The following ROBO1 variants were observed in gnomAD, a reference collection of about 807,000 sequenced individuals.
ROBO1 encodes roundabout homolog 1.
In ROBO1, 149 loss-of-function variants were observed where a neutral mutation model predicts 195.9. The ratio of observed to expected loss-of-function variants is 0.76; its 90% confidence interval spans 0.67 to 0.87. The LOEUF (loss-of-function observed/expected upper bound fraction) is 0.87, where lower values mean the gene tolerates loss of function less well. Among genes scored for constraint, ROBO1 ranks in the 40% least tolerant of loss-of-function variants. The pLI, the probability that ROBO1 is intolerant of heterozygous loss-of-function variation, is 0.00. For synonymous variants in ROBO1, 816 were observed against 733.2 expected (o/e 1.11, Z -1.82); for missense variants, 1,933 against 2,068.3 (o/e 0.93, Z 1.27).
chr3:79,517,968 A>G (rs1482497212), intron 2 of ROBO1, among the ~76,000 whole-genome samples: 3 of 152,144 alleles, frequency 2.0e-5, no homozygotes, highest in Non-Finnish European at 4.4e-5. Context: ...CCAGGGTGTT[A>G]GGGTTTATTG....
rs144123295 is a variant in ROBO1, at chr3:79,376,388, T to A, written c.88+213436A>T. ...TAATTCCATAATTTAAATATATTCA[T>A]CTCTTCTGTGTTAGAATGAAAATAC... On this transcript the variant is annotated intron_variant, in intron 2 of 30. Transcript: ENST00000464233. 4.0e-3 allele frequency among the ~76,000 whole-genome samples: 606 copies of A among 152,288 alleles called. 2 individuals are homozygous for A. The highest frequency in any genetic ancestry group is 0.014 in the African/African-American group (576 of 41,546).
At chr3:79,388,453 G>T (rs1410541295) in intron 2 of ROBO1, among the ~76,000 whole-genome samples, 1 of 151,812 alleles carries the variant, frequency 6.6e-6, no homozygotes, top group Admixed American at 6.6e-5. Flanking sequence ...CAGTCTGTTG[G>T]AACATCTTCA....
intron 2 of ROBO1, among the ~76,000 whole-genome samples, chr3:79,388,780 C>T (rs976265445): frequency 3.3e-5 from 5 of 152,088 alleles, no homozygotes; most frequent in Non-Finnish European, 5.9e-5. Flanking sequence ...GATTCTTCTC[C>T]ATCTAGACTA....
chr3:78,657,127 A>AC lies in ROBO1; in HGVS notation c.2584dup (p.Val862GlyfsTer4). On this transcript the variant is annotated frameshift_variant, in exon 18 of 31. Transcript: ENST00000464233. LOFTEE classifies it high-confidence loss of function. ...CTGGATGAACTGAGGCTCACTCTTTACCCCAGACCCAGCCCCAGTGCTGGC... is the reference window on the plus strand; with the variant it reads ...CTGGATGAACTGAGGCTCACTCTTTACCCCCAGACCCAGCCCCAGTGCTGGC... 6.2e-7 allele frequency: 1 copy of AC among 1,610,958 alleles called. No homozygotes were observed. The highest frequency in any genetic ancestry group is 8.5e-7 in the Non-Finnish European group (1 of 1,178,632).
At chr3:79,282,353 T>C (rs2031579616) in intron 2 of ROBO1, among the ~76,000 whole-genome samples, 1 of 152,202 alleles carries the variant, frequency 6.6e-6, no homozygotes, top group Admixed American at 6.5e-5. Context: ...CTAACATTTT[T>C]TGAGCATCTA....
chr3:79,336,074 A>C (rs2034653441), intron 2 of ROBO1, among the ~76,000 whole-genome samples: 1 of 152,188 alleles, frequency 6.6e-6, no homozygotes, highest in African/African-American at 2.4e-5. Context: ...GAAATTTCCA[A>C]GTGGCAAAGC....
At chr3:78,884,551 A>AAGAAAGAG (rs1174416643) in intron 4 of ROBO1, among the ~76,000 whole-genome samples, 1 of 151,692 alleles carries the variant, frequency 6.6e-6, no homozygotes, top group Non-Finnish European at 1.5e-5. Flanking sequence ...AAAAGAAAGA[A>AAGAAAGAG]AGAAAGAGAG....
At chr3:79,166,049 A>G (rs549243150) in intron 2 of ROBO1, among the ~76,000 whole-genome samples, 1 of 152,162 alleles carries the variant, frequency 6.6e-6, no homozygotes. Context: ...CAGATTACAG[A>G]CTTGCCTAGC....
intron 1 of ROBO1, among the ~76,000 whole-genome samples, chr3:79,751,532 T>C (rs1365677427): frequency 1.3e-5 from 2 of 152,158 alleles, no homozygotes; most frequent in Non-Finnish European, 2.9e-5. Flanking sequence ...GTGCTATTGT[T>C]AAAGTCCATA....
chr3:79,756,861 T>C (rs1031377589), intron 1 of ROBO1, among the ~76,000 whole-genome samples: 3 of 152,212 alleles, frequency 2.0e-5, no homozygotes, highest in African/African-American at 4.8e-5. Context: ...TTTGTATCTC[T>C]GTGACTTTGA....
rs2082436530 is a variant in ROBO1, at chr3:79,237,653, G to A, written c.89-112114C>T. 2.0e-5 allele frequency among the ~76,000 whole-genome samples: 3 copies of A among 152,132 alleles called. No individual in the cohort carries two copies. The South Asian group carries it at 6.2e-4, about 32-fold the overall frequency. ...AAAGCTAGAGTTAATTTCTCCGGCG[G>A]TCACTCTATCCGAGTCATACACGTA... On this transcript the variant is annotated intron_variant, in intron 2 of 30. Coordinates refer to ENST00000464233, the MANE Select transcript of ROBO1 (RefSeq NM_002941.4).
intron 26 of ROBO1, among the ~76,000 whole-genome samples, chr3:78,623,092 C>T (rs936893196): frequency 2.0e-5 from 3 of 152,128 alleles, no homozygotes; most frequent in African/African-American, 4.8e-5. Flanking sequence ...AACAGGAACT[C>T]GGGCACTATG....
chr3:79,756,538 G>A lies in ROBO1; in HGVS notation c.-51+11214C>T, dbSNP rs566170456. Among the ~76,000 whole-genome samples the A allele has an allele frequency of 1.1e-4, 12 of 109,514 alleles. 1 individual carries two copies. The highest frequency in any genetic ancestry group is 1.6e-4 in the Non-Finnish European group (9 of 57,772). 71.8% of individuals were successfully genotyped at this position (109,514 alleles called of 152,430 possible). A position where few individuals can be genotyped will look rare whatever the true frequency, so the allele number is the denominator to read the frequency against. On this transcript the variant is annotated intron_variant, in intron 1 of 30. Transcript: ENST00000464233. ...GCACTCCAGCCTGGGCAAAATGAGC[G>A]AAGCACCATCTCAAAAAAAAAAAAA... is the stretch of plus-strand genomic sequence containing the variant.
chr3:79,661,290 T>G (rs889425975), intron 1 of ROBO1, among the ~76,000 whole-genome samples: 9 of 152,086 alleles, frequency 5.9e-5, no homozygotes, highest in Non-Finnish European at 8.8e-5. Flanking sequence ...CTATGCTCTC[T>G]TTCCCTCATT....
At chr3:79,125,639 A>T in intron 2 of ROBO1, 100 bp from the exon 3 acceptor site, 1 of 835,902 alleles carries the variant, frequency 1.2e-6, no homozygotes, top group Non-Finnish European at 2.0e-6. Flanking sequence ...TCCACATGTG[A>T]CAGAAAAACA....
chr3:79,085,184 T>A (rs898172619), intron 3 of ROBO1, among the ~76,000 whole-genome samples: 1 of 152,174 alleles, frequency 6.6e-6, no homozygotes, highest in Non-Finnish European at 1.5e-5. Context: ...AAATTCAATA[T>A]CCTATTAGTT....
chr3:78,717,557 CT>C, intron 6 of ROBO1, 144 bp from the exon 7 acceptor site: 1 of 896,264 alleles, frequency 1.1e-6, no homozygotes, highest in Non-Finnish European at 1.7e-6. Flanking sequence ...CTAGAAGCTT[CT>C]CCCTAGGTTT....
intron 10 of ROBO1, 63 bp downstream of exon 10, chr3:78,685,683 G>T: frequency 8.5e-7 from 1 of 1,181,502 alleles, no homozygotes; most frequent in East Asian, 2.5e-5. Flanking sequence ...TATATCTACT[G>T]GCACCCTCTC....
chr3:79,334,584 C>G (rs6788829), intron 2 of ROBO1, among the ~76,000 whole-genome samples: 15,960 of 151,790 alleles, frequency 0.11, 875 homozygotes, highest in Middle Eastern at 0.14. Flanking sequence ...GCCCTCTCTA[C>G]AGTGAAGACA....
Sources: allele counts gnomAD v4.1 joint callset (sites outside exome capture counted in the v4.1 genomes callset), GRCh38; gene constraint gnomAD v4.1.1; transcripts MANE v1.5; gene names NCBI Gene and HGNC (gene_info 2026-07-23, HGNC 2026-07-21).